Variants in P3H2 observed in about 807,000 individuals in gnomAD.
P3H2 encodes prolyl 3-hydroxylase 2.
A neutral mutation model predicts 87.0 loss-of-function variants in P3H2; 80 were observed. That is an observed-to-expected ratio of 0.92 (90% CI 0.77 to 1.11). P3H2 has a LOEUF of 1.11. P3H2 is among the 50% of genes least tolerant of loss of function. P3H2 has a pLI of 0.00. For synonymous variants in P3H2, 367 were observed against 359.3 expected (o/e 1.02, Z -0.24); for missense variants, 1,001 against 923.9 (o/e 1.08, Z -1.08).
chr3:189,981,936 G>A (rs1723548459), intron 8 of P3H2, among the ~76,000 whole-genome samples: 2 of 152,154 alleles, frequency 1.3e-5, no homozygotes, highest in African/African-American at 4.8e-5. Flanking sequence ...GTTCAAAACT[G>A]ACTTGGAAGC....
intron 1 of P3H2, among the ~76,000 whole-genome samples, chr3:190,049,317 C>G (rs1725902146): frequency 6.6e-6 from 1 of 151,724 alleles, no homozygotes; most frequent in Admixed American, 6.6e-5. Context: ...GGTGCTTGCA[C>G]ATAAATAAAA....
intron 1 of P3H2, among the ~76,000 whole-genome samples, chr3:190,085,855 C>T (rs1727195545): frequency 1.3e-5 from 2 of 151,978 alleles, no homozygotes; most frequent in African/African-American, 2.4e-5. Context: ...AAAACCCATC[C>T]TTGTATATAT....
chr3:189,974,675 T>C lies in P3H2; in HGVS notation c.1335A>G (p.Leu445=), dbSNP rs1723294495. Residue 445 remains leucine (L), a synonymous_variant, in exon 9 of 15, where the codon CTA becomes CTG. Transcript: ENST00000319332. Reference sequence around the variant, plus strand: ...AGACGAATGTGATGTTCTCATAGAGTAGAGGACCACCTACAGGAACAGAGC... The same window carrying C: ...AGACGAATGTGATGTTCTCATAGAGCAGAGGACCACCTACAGGAACAGAGC... ...IDRDLREGGP[L]LYENITFVYN... The C allele has an allele frequency of 6.2e-7, 1 of 1,614,098 alleles. No homozygotes were observed. Among genetic ancestry groups the C allele is most frequent in the Non-Finnish European group, 8.5e-7 (1 of 1,180,016 alleles).
At position 189,956,820 on chromosome 3, in the gene P3H2, G is replaced by T. The variant is rs1722641430; in HGVS notation, c.*1092C>A. 7.0e-6 allele frequency: 2 copies of T among 283,764 alleles called. No individual in the cohort carries two copies. The highest frequency in any genetic ancestry group is 1.3e-5 in the Non-Finnish European group (2 of 154,104). The allele number at this position is 283,764 out of a possible 1,614,324, so 17.6% of individuals were successfully genotyped here. On this transcript the variant is annotated 3_prime_UTR_variant, in exon 15 of 15. Transcript: ENST00000319332. ...ATGAGGAGGGGCCCCCAAAATATAA[G>T]CAGATGACGGTTAAAATCAATCAGA...
intron 1 of P3H2, among the ~76,000 whole-genome samples, chr3:190,050,317 G>C (rs371641558): frequency 1.7e-4 from 26 of 152,246 alleles, no homozygotes; most frequent in African/African-American, 5.1e-4. Flanking sequence ...TAGCTTTTTA[G>C]ATATTTGAAA....
At chr3:190,031,806 A>AT (rs11405732) in intron 1 of P3H2, among the ~76,000 whole-genome samples, 119,375 of 151,652 alleles carry the variant, frequency 0.79, 47,049 homozygotes, top group East Asian at 0.86. Context: ...TGACATACAT[A>AT]TTTCAAATGA....
chr3:189,999,339 C>G (rs999551416), intron 1 of P3H2, among the ~76,000 whole-genome samples: 1 of 152,164 alleles, frequency 6.6e-6, no homozygotes, highest in African/African-American at 2.4e-5. Context: ...TGAACTGGCC[C>G]TGGCTTTTAA....
intron 1 of P3H2, among the ~76,000 whole-genome samples, chr3:190,001,963 G>C (rs2108928578): frequency 6.6e-6 from 1 of 152,170 alleles, no homozygotes; most frequent in African/African-American, 2.4e-5. Flanking sequence ...AAATTTGGAA[G>C]CAGTTTGTTC....
chr3:190,077,485 C>A (rs578252812), intron 1 of P3H2, among the ~76,000 whole-genome samples: 241 of 152,290 alleles, frequency 1.6e-3, no homozygotes, highest in African/African-American at 5.7e-3. Flanking sequence ...GACACACACA[C>A]AAACCAGCAA....
chr3:190,028,706 T>C (rs1399625968), intron 1 of P3H2, among the ~76,000 whole-genome samples: 2 of 152,122 alleles, frequency 1.3e-5, no homozygotes, highest in Non-Finnish European at 2.9e-5. Context: ...GATTTTATTA[T>C]TTTAATAATT....
intron 1 of P3H2, among the ~76,000 whole-genome samples, chr3:190,077,197 T>C (rs1477276992): frequency 6.6e-6 from 1 of 152,202 alleles, no homozygotes; most frequent in African/African-American, 2.4e-5. Flanking sequence ...CCATCCGACA[T>C]GTTCTCATTC....
Position 189,969,186 on chromosome 3 carries a change from G to A in P3H2, c.1893+1630C>T, listed in dbSNP as rs113064070. On this transcript the variant is annotated intron_variant, in intron 13 of 14. Coordinates refer to ENST00000319332, the MANE Select transcript of P3H2 (RefSeq NM_018192.4). ...CCCGGTCCACCAAAACTGCTTCCTC[G>A]TGCTCCTTCCAGCAGTCATAATCTG... The A allele has an allele frequency of 2.9e-3, 1,972 of 686,856 alleles. 29 individuals are homozygous for A. In the African/African-American group the frequency reaches 0.031, roughly 11 times the overall value. The allele number at this position is 686,856 out of a possible 1,614,324, so 42.5% of individuals were successfully genotyped here.
chr3:190,036,222 AT>A, intron 1 of P3H2, among the ~76,000 whole-genome samples: 1 of 151,910 alleles, frequency 6.6e-6, no homozygotes, highest in East Asian at 1.9e-4. Context: ...AAACTTTCTC[AT>A]TTTTCAGTTA....
intron 5 of P3H2, 111 bp downstream of exon 5, chr3:189,987,416 T>C: frequency 1.6e-6 from 2 of 1,266,886 alleles, no homozygotes; most frequent in South Asian, 1.3e-5. Flanking sequence ...GAGGCGGAGG[T>C]TGCGGTGAGC....
intron 1 of P3H2, among the ~76,000 whole-genome samples, chr3:190,001,268 T>A (rs946673369): frequency 6.6e-6 from 1 of 152,206 alleles, no homozygotes; most frequent in African/African-American, 2.4e-5. Flanking sequence ...GGGCTAATAA[T>A]TCTAAAGCAC....
chr3:190,096,481 C>T (rs567035634), intron 1 of P3H2, among the ~76,000 whole-genome samples: 25 of 144,586 alleles, frequency 1.7e-4, no homozygotes, highest in East Asian at 3.9e-4. Flanking sequence ...GGCCTCCTCA[C>T]GCTTCCTGTG....
chr3:189,992,813 TTAC>T (rs1338076536), intron 3 of P3H2, among the ~76,000 whole-genome samples: 1 of 152,242 alleles, frequency 6.6e-6, no homozygotes, highest in Non-Finnish European at 1.5e-5. Context: ...TTGGTTATTA[TTAC>T]TACTGATAAT....
chr3:190,096,419 T>C (rs749566315), intron 1 of P3H2, among the ~76,000 whole-genome samples: 2 of 152,146 alleles, frequency 1.3e-5, no homozygotes, highest in South Asian at 2.1e-4. Context: ...TTTGCCACGG[T>C]AACACGTGCT....
chr3:189,962,165 T>C (rs1222732949), intron 14 of P3H2, among the ~76,000 whole-genome samples: 205 of 137,716 alleles, frequency 1.5e-3, no homozygotes, highest in African/African-American at 4.8e-3. Context: ...CTTCTTCTTT[T>C]TTTTTTTTTT....
Sources: allele counts gnomAD v4.1 joint callset (sites outside exome capture counted in the v4.1 genomes callset), GRCh38; gene constraint gnomAD v4.1.1; transcripts MANE v1.5; gene names NCBI Gene and HGNC (gene_info 2026-07-23, HGNC 2026-07-21).